Variants in IQCJ observed in about 807,000 individuals in gnomAD.
IQCJ encodes the protein IQ motif containing J, also known as IQ domain-containing protein J.
Under a neutral mutation model 11.0 loss-of-function variants are expected in IQCJ, and 9 were observed. The ratio of observed to expected loss-of-function variants is 0.82; its 90% confidence interval spans 0.49 to 1.43. IQCJ has a LOEUF of 1.43. Ranked by LOEUF, IQCJ falls within the 40% of genes most tolerant of loss-of-function variation. IQCJ has a pLI of 0.00. For missense variants in IQCJ, 146 were observed against 133.2 expected, an observed-to-expected ratio of 1.10 and a Z score of -0.47; for synonymous variants, 55 against 51.3, an observed-to-expected ratio of 1.07 and a Z score of -0.31.
chr3:159,163,712 A>G (rs1722008417), intron 1 of IQCJ, among the ~76,000 whole-genome samples: 1 of 152,168 alleles, frequency 6.6e-6, no homozygotes, highest in African/African-American at 2.4e-5. Flanking sequence ...AATCCTAGAA[A>G]GTAGGATGTG....
At chr3:159,165,634 A>G (rs1722118517) in intron 1 of IQCJ, among the ~76,000 whole-genome samples, 1 of 146,346 alleles carries the variant, frequency 6.8e-6, no homozygotes, top group African/African-American at 2.6e-5. Context: ...TTTTTTTTTG[A>G]GACAGATTCT....
chr3:159,212,179 A>G (rs77709446), intron 1 of IQCJ, among the ~76,000 whole-genome samples: 1 of 151,946 alleles, frequency 6.6e-6, no homozygotes, highest in Non-Finnish European at 1.5e-5. Flanking sequence ...GATAGGAACA[A>G]TTATCCCCCT....
chr3:159,148,935 G>A (rs1405724009), intron 1 of IQCJ, among the ~76,000 whole-genome samples: 5 of 152,288 alleles, frequency 3.3e-5, no homozygotes, highest in African/African-American at 9.6e-5. Flanking sequence ...TCAGGATGAA[G>A]CATAACATCA....
At chr3:159,155,623 A>T (rs1189236705) in intron 1 of IQCJ, among the ~76,000 whole-genome samples, 1 of 152,208 alleles carries the variant, frequency 6.6e-6, no homozygotes, top group African/African-American at 2.4e-5. Flanking sequence ...ACTTTAAACA[A>T]AGTAATTTTT....
rs772140596 is a variant in IQCJ, at chr3:159,252,781, A to G, written c.129A>G (p.Leu43=). ...ATATTGAAAAGTATCCCCTCAATCT[A>G]CAGCCCTTGGAATCAAAGGTGAAAA... The part of the protein sequence containing the change: ...ENNIEKYPLN[L]QPLESKVKII... The change falls in exon 3 of 4, where the codon CTA becomes CTG. Residue 43 remains leucine, a synonymous_variant. Transcript: ENST00000397832. The G allele has an allele frequency of 1.2e-6, 2 of 1,612,556 alleles. No homozygotes were observed. Among genetic ancestry groups the G allele is most frequent in the African/African-American group, 2.7e-5 (2 of 74,882 alleles).
intron 1 of IQCJ, among the ~76,000 whole-genome samples, chr3:159,245,141 G>A (rs761992368): frequency 6.6e-5 from 10 of 152,122 alleles, no homozygotes; most frequent in Non-Finnish European, 1.5e-4. Flanking sequence ...GTCTGAGCAC[G>A]TGGGCTATGG....
intron 1 of IQCJ, among the ~76,000 whole-genome samples, chr3:159,242,480 A>T (rs1726983377): frequency 6.6e-6 from 1 of 151,898 alleles, no homozygotes; most frequent in African/African-American, 2.4e-5. Flanking sequence ...TTATAGGCAC[A>T]ATGGCTTTTG....
intron 1 of IQCJ, among the ~76,000 whole-genome samples, chr3:159,081,543 C>A (rs60013199): frequency 0.017 from 2,570 of 152,108 alleles, 67 homozygotes; most frequent in African/African-American, 0.06. Flanking sequence ...TATACTGTTG[C>A]TTTTCTAGAT....
intron 1 of IQCJ, among the ~76,000 whole-genome samples, chr3:159,153,704 C>T (rs1721355819): frequency 6.6e-6 from 1 of 152,170 alleles, no homozygotes; most frequent in Admixed American, 6.5e-5. Context: ...TGTGACTACC[C>T]AAGATCTTTT....
At chr3:159,069,658 A>C in intron 1 of IQCJ, 2 of 650,470 alleles carry the variant, frequency 3.1e-6, no homozygotes, top group Admixed American at 2.7e-5. Flanking sequence ...TTATGTATAC[A>C]TGTGTCTGTG....
intron 1 of IQCJ, among the ~76,000 whole-genome samples, chr3:159,229,414 A>G (rs140265692): frequency 6.6e-6 from 1 of 152,170 alleles, no homozygotes; most frequent in East Asian, 1.9e-4. Flanking sequence ...TTGCATAGAA[A>G]TAGTCTTCAG....
chr3:159,162,628 C>A (rs749344693), intron 1 of IQCJ, among the ~76,000 whole-genome samples: 1 of 152,064 alleles, frequency 6.6e-6, no homozygotes, highest in Non-Finnish European at 1.5e-5. Flanking sequence ...ATTAATGAAT[C>A]CAGGAGCTGG....
chr3:159,235,730 C>T (rs188777597), intron 1 of IQCJ, among the ~76,000 whole-genome samples: 1 of 152,264 alleles, frequency 6.6e-6, no homozygotes, highest in East Asian at 1.9e-4. Context: ...TGCTATGTTT[C>T]GACTTAGATC....
chr3:159,083,942 T>A (rs1455433095), intron 1 of IQCJ, among the ~76,000 whole-genome samples: 2 of 152,014 alleles, frequency 1.3e-5, no homozygotes, highest in African/African-American at 4.8e-5. Context: ...CGTAAAAGGG[T>A]AAAAGGAGGG....
chr3:159,158,344 C>G (rs1479234401), intron 1 of IQCJ, among the ~76,000 whole-genome samples: 1 of 152,106 alleles, frequency 6.6e-6, no homozygotes, highest in African/African-American at 2.4e-5. Flanking sequence ...AACAATACGT[C>G]CTTGAGAAAG....
rs200248631 is a variant in IQCJ, at chr3:159,182,227, G to A, written c.10-63616G>A. Among the ~76,000 whole-genome samples the A allele has an allele frequency of 9.2e-5, 14 of 151,702 alleles. No individual in the cohort carries two copies. In the East Asian group the frequency reaches 2.3e-3, roughly 25 times the overall value. On this transcript the variant is annotated intron_variant, in intron 1 of 3. Transcript: ENST00000397832. ...TACTTTTTTTAAAAAAAACAGGAAA[G>A]CCTCTCTATACCCCCAATGACAGCT...
intron 1 of IQCJ, among the ~76,000 whole-genome samples, chr3:159,101,672 C>T (rs1436301096): frequency 6.6e-6 from 1 of 152,194 alleles, no homozygotes; most frequent in East Asian, 1.9e-4. Flanking sequence ...CCTTTTTGGA[C>T]ATGGACTCAA....
At chr3:159,136,596 C>A (rs183479430) in intron 1 of IQCJ, among the ~76,000 whole-genome samples, 1 of 152,080 alleles carries the variant, frequency 6.6e-6, no homozygotes, top group African/African-American at 2.4e-5. Flanking sequence ...TTAAGGTGCC[C>A]GCATATTCAG....
At chr3:159,152,080 A>C (rs983519016) in intron 1 of IQCJ, among the ~76,000 whole-genome samples, 1 of 152,138 alleles carries the variant, frequency 6.6e-6, no homozygotes, top group Non-Finnish European at 1.5e-5. Flanking sequence ...GTTACAAAGC[A>C]CTCTACTGGA....
Sources: gnomAD v4.1 joint callset for allele counts (sites outside exome capture counted in the v4.1 genomes callset) on GRCh38, gnomAD v4.1.1 for gene constraint, MANE v1.5 for transcripts, NCBI Gene and HGNC (gene_info 2026-07-23, HGNC 2026-07-21) for gene names.